Variants in DMD observed in about 807,000 individuals in gnomAD.
DMD encodes mutant dystrophin.
A neutral mutation model predicts 330.1 loss-of-function variants in DMD; 63 were observed. The ratio of observed to expected loss-of-function variants is 0.19; its 90% CI spans 0.16 to 0.24. DMD has a LOEUF of 0.24. Ranked by LOEUF, DMD falls within the 10% of genes least tolerant of loss-of-function variation. DMD has a pLI of 1.00. For missense variants in DMD, 3,344 were observed against 2,684.1 expected (o/e 1.25, Z -5.43); for synonymous variants, 1,223 against 959.8 (o/e 1.27, Z -5.07).
chrX:32,205,029 A>C (rs1214519927), intron 44 of DMD, among the ~76,000 whole-genome samples: 1 of 84,324 alleles, frequency 1.2e-5, no homozygotes, highest in African/African-American at 4.4e-5. Flanking sequence ...ACACACACAC[A>C]CACACACACA....
chrX:33,016,076 G>A (rs2093796663), intron 2 of DMD, among the ~76,000 whole-genome samples: 1 of 109,985 alleles, frequency 9.1e-6, no homozygotes, highest in African/African-American at 3.3e-5. Context: ...GATAATGAAG[G>A]AATTCTTAAC....
At chrX:31,188,666 C>T (rs1336409381) in intron 67 of DMD, among the ~76,000 whole-genome samples, 1 of 111,895 alleles carries the variant, frequency 8.9e-6, no homozygotes, top group African/African-American at 3.3e-5. Flanking sequence ...ATGTCATGCA[C>T]ACACAGAAAG....
At chrX:32,259,514 T>A (rs1007282833) in intron 43 of DMD, among the ~76,000 whole-genome samples, 1 of 109,464 alleles carries the variant, frequency 9.1e-6, no homozygotes, top group African/African-American at 3.3e-5. Context: ...ATTATTGGTA[T>A]ATTTACTTTG....
At chrX:31,897,067 C>A (rs1168314928) in intron 47 of DMD, among the ~76,000 whole-genome samples, 1 of 109,085 alleles carries the variant, frequency 9.2e-6, no homozygotes, top group East Asian at 2.9e-4. Context: ...TGCTATCCCT[C>A]CCCCCTTCCC....
chrX:31,423,503 T>C (rs2063549559), intron 60 of DMD, among the ~76,000 whole-genome samples: 1 of 111,822 alleles, frequency 8.9e-6, no homozygotes, highest in Non-Finnish European at 1.9e-5. Flanking sequence ...TTTTTCTTTA[T>C]AATGTTCTGA....
At chrX:32,677,418 A>T in intron 9 of DMD, among the ~76,000 whole-genome samples, 1 of 111,744 alleles carries the variant, frequency 8.9e-6, no homozygotes, top group Non-Finnish European at 1.9e-5. Flanking sequence ...ATTAACAAAA[A>T]GAAATACAAG....
intron 2 of DMD, among the ~76,000 whole-genome samples, chrX:33,003,560 C>A (rs750604035): frequency 6.1e-4 from 68 of 111,710 alleles, no homozygotes; most frequent in South Asian, 2.6e-3. Context: ...AGAATCTTAA[C>A]TATCAGGCAG....
chrX:33,140,826 A>G (rs935748511), intron 1 of DMD, among the ~76,000 whole-genome samples: 2 of 112,203 alleles, frequency 1.8e-5, no homozygotes, highest in African/African-American at 6.5e-5. Flanking sequence ...GAAATTAAAG[A>G]AACTTGGCAA....
At chrX:32,435,570 A>G (rs2098257878) in intron 29 of DMD, among the ~76,000 whole-genome samples, 1 of 110,237 alleles carries the variant, frequency 9.1e-6, no homozygotes, top group African/African-American at 3.3e-5. Flanking sequence ...CCAGTTATCA[A>G]TTTTTTGCCT....
intron 45 of DMD, 94 bp downstream of exon 45, chrX:31,968,245 C>G (rs1895020878): frequency 4.7e-6 from 5 of 1,053,019 alleles, no homozygotes; most frequent in Non-Finnish European, 5.3e-6. Flanking sequence ...TAGTGCCTTT[C>G]ACCCTGCTTA....
chrX:32,809,957 A>G (rs1223022112), intron 6 of DMD, among the ~76,000 whole-genome samples: 2 of 102,719 alleles, frequency 1.9e-5, no homozygotes, highest in Non-Finnish European at 4.0e-5. Flanking sequence ...GAAAGAAAGA[A>G]AGAAAGAAAG....
intron 55 of DMD, among the ~76,000 whole-genome samples, chrX:31,556,726 A>G (rs1035186711): frequency 1.4e-4 from 16 of 112,063 alleles, no homozygotes; most frequent in African/African-American, 5.2e-4. Flanking sequence ...GAATCATTTG[A>G]TGACATTTAA....
intron 48 of DMD, among the ~76,000 whole-genome samples, chrX:31,862,967 G>A (rs1301512722): frequency 8.9e-6 from 1 of 112,949 alleles, no homozygotes; most frequent in Non-Finnish European, 1.9e-5. Context: ...GTTTACAGGA[G>A]ACTATAAAAC....
At chrX:31,865,460 A>T (rs752112190) in intron 48 of DMD, among the ~76,000 whole-genome samples, 25 of 112,164 alleles carry the variant, frequency 2.2e-4, no homozygotes, top group East Asian at 5.6e-4. Context: ...CTTTTAAAAA[A>T]TTTTTTTTAA....
intron 41 of DMD, among the ~76,000 whole-genome samples, chrX:32,315,754 G>A (rs1053863737): frequency 9.0e-6 from 1 of 110,834 alleles, no homozygotes; most frequent in Non-Finnish European, 1.9e-5. Context: ...ATTATATACC[G>A]ATTTAACAAA....
intron 43 of DMD, among the ~76,000 whole-genome samples, chrX:32,218,664 GC>G (rs1217379736): frequency 8.9e-6 from 1 of 111,932 alleles, no homozygotes; most frequent in Non-Finnish European, 1.9e-5. Context: ...CGGGCTCTGT[GC>G]TTTTATAGTG....
intron 56 of DMD, among the ~76,000 whole-genome samples, chrX:31,502,815 A>T (rs1484793984): frequency 2.7e-5 from 3 of 111,897 alleles, no homozygotes; most frequent in Non-Finnish European, 5.7e-5. Flanking sequence ...TTAATATTCT[A>T]AAATTAAAAA....
intron 50 of DMD, among the ~76,000 whole-genome samples, chrX:31,791,551 C>T (rs1044458295): frequency 5.4e-5 from 6 of 111,766 alleles, no homozygotes; most frequent in African/African-American, 2.0e-4. Context: ...CCTATATGAC[C>T]ATATCCAATA....
intron 44 of DMD, among the ~76,000 whole-genome samples, chrX:32,065,812 T>C (rs903290583): frequency 1.2e-4 from 13 of 112,023 alleles, no homozygotes; most frequent in African/African-American, 3.9e-4. Flanking sequence ...ATTTTAATCT[T>C]GAATTAAAAC....
Sources: allele counts gnomAD v4.1 joint callset (sites outside exome capture counted in the v4.1 genomes callset), GRCh38; gene constraint gnomAD v4.1.1; transcripts MANE v1.5; gene names NCBI Gene and HGNC (gene_info 2026-07-23, HGNC 2026-07-21).